PLXDC2: variants seen among roughly 807,000 people sequenced by gnomAD.
The protein encoded by PLXDC2 is plexin domain-containing protein 2.
Under a neutral mutation model 68.9 loss-of-function variants are expected in PLXDC2, and 40 were observed. The ratio of observed to expected loss-of-function variants is 0.58; its 90% CI spans 0.45 to 0.76. The LOEUF (loss-of-function observed/expected upper bound fraction) is 0.76, where lower values mean the gene tolerates loss of function less well. Among genes scored for constraint, PLXDC2 ranks in the 30% least tolerant of loss-of-function variants. PLXDC2 has a pLI of 0.00. For synonymous variants in PLXDC2, 243 were observed against 234.2 expected, an observed-to-expected ratio of 1.04 and a Z score of -0.34; for missense variants, 644 against 661.9, an observed-to-expected ratio of 0.97 and a Z score of 0.30.
At chr10:20,082,065 A>AAC (rs1836573333) in intron 4 of PLXDC2, among the ~76,000 whole-genome samples, 5 of 46,820 alleles carry the variant, frequency 1.1e-4, no homozygotes, top group African/African-American at 3.6e-4. Flanking sequence ...AAAAAAAATC[A>AAC]AAAAAAAAAA....
intron 2 of PLXDC2, among the ~76,000 whole-genome samples, chr10:20,032,322 T>C (rs551521951): frequency 6.6e-6 from 1 of 152,172 alleles, no homozygotes. Context: ...GTGGTTGGTG[T>C]GGCATGTGAG....
At chr10:19,968,300 T>C (rs1182801197) in intron 1 of PLXDC2, among the ~76,000 whole-genome samples, 1 of 152,148 alleles carries the variant, frequency 6.6e-6, no homozygotes, top group Non-Finnish European at 1.5e-5. Flanking sequence ...ATGACCTCAC[T>C]GATCTCCTTC....
At chr10:20,160,599 A>G (rs1236600681) in intron 6 of PLXDC2, among the ~76,000 whole-genome samples, 8 of 152,144 alleles carry the variant, frequency 5.3e-5, no homozygotes, top group Non-Finnish European at 1.2e-4. Flanking sequence ...ATTTTCAGTG[A>G]TAGAAAACTC....
At chr10:19,930,441 A>G (rs755327273) in intron 1 of PLXDC2, among the ~76,000 whole-genome samples, 1 of 152,192 alleles carries the variant, frequency 6.6e-6, no homozygotes, top group Non-Finnish European at 1.5e-5. Flanking sequence ...TGCTGACTTA[A>G]AGGATATGTT....
chr10:20,289,552 G>C lies in PLXDC2; in HGVS notation c.*9733G>C, dbSNP rs529163458. On this transcript the variant is annotated 3_prime_UTR_variant, in exon 14 of 14. Transcript: ENST00000377252. ...CAGGATATTTTGGATGTGTGCCTCA[G>C]GTAATTTATGTGGAATGTGTAAAGC... 2 of 152,286 alleles carry C rather than the reference G, an allele frequency of 1.3e-5. No homozygotes were observed. Among genetic ancestry groups the C allele is most frequent in the East Asian group, 3.9e-4 (2 of 5,178 alleles). The allele number at this position is 152,286 out of a possible 1,614,324, so 9.4% of individuals were successfully genotyped here.
chr10:20,156,134 G>C (rs1304079842), intron 6 of PLXDC2, among the ~76,000 whole-genome samples: 5 of 152,040 alleles, frequency 3.3e-5, no homozygotes, highest in African/African-American at 1.2e-4. Flanking sequence ...GCCATGTTTA[G>C]ATAAGTTTCC....
chr10:19,972,543 A>G (rs1834372740), intron 1 of PLXDC2, among the ~76,000 whole-genome samples: 1 of 152,150 alleles, frequency 6.6e-6, no homozygotes, highest in Admixed American at 6.5e-5. Flanking sequence ...AATCCAAGCA[A>G]CATGCAATTT....
chr10:20,089,278 A>C (rs906843213), intron 4 of PLXDC2, among the ~76,000 whole-genome samples: 1 of 151,936 alleles, frequency 6.6e-6, no homozygotes, highest in Non-Finnish European at 1.5e-5. Flanking sequence ...TCAATTTCCA[A>C]TGTATGAGTC....
intron 1 of PLXDC2, among the ~76,000 whole-genome samples, chr10:19,887,500 C>T (rs1027943767): frequency 6.6e-6 from 1 of 151,880 alleles, no homozygotes; most frequent in Admixed American, 6.6e-5. Flanking sequence ...CCAGCCTGGG[C>T]GACAGAGTGA....
chr10:19,870,879 C>T (rs749013562), intron 1 of PLXDC2, among the ~76,000 whole-genome samples: 14 of 152,204 alleles, frequency 9.2e-5, no homozygotes, highest in Non-Finnish European at 1.8e-4. Context: ...TATGTGCTTA[C>T]ATGCATGATC....
chr10:19,938,888 T>C (rs1416012302), intron 1 of PLXDC2, among the ~76,000 whole-genome samples: 2 of 152,100 alleles, frequency 1.3e-5, no homozygotes, highest in Non-Finnish European at 2.9e-5. Context: ...AATCTGTAAG[T>C]AGTCTGTTGC....
At chr10:19,990,730 A>G (rs1834733088) in intron 1 of PLXDC2, among the ~76,000 whole-genome samples, 1 of 152,148 alleles carries the variant, frequency 6.6e-6, no homozygotes, top group Non-Finnish European at 1.5e-5. Flanking sequence ...TAGTTAAATT[A>G]TGTAATCAGT....
intron 9 of PLXDC2, among the ~76,000 whole-genome samples, chr10:20,206,605 C>G (rs1318252677): frequency 1.3e-5 from 2 of 151,986 alleles, no homozygotes; most frequent in Non-Finnish European, 2.9e-5. Flanking sequence ...CAGGAGTGAG[C>G]AAGAGGCCTG....
rs71388870 is a variant in PLXDC2, at chr10:19,829,154, C to CTTTTT, written c.112+11984_112+11988dup. On this transcript the variant is annotated intron_variant, in intron 1 of 13. Coordinates refer to ENST00000377252, the MANE Select transcript of PLXDC2 (RefSeq NM_032812.9). Reference sequence around the variant, plus strand: ...ACCTCTTTTTGGTGCACGCTTTCCTCTTTTTTTTTTTTTTTTTTTTTTTTT... The same window carrying CTTTTT: ...ACCTCTTTTTGGTGCACGCTTTCCTCTTTTTTTTTTTTTTTTTTTTTTTTTTTTTT... 2.0e-3 allele frequency among the ~76,000 whole-genome samples: 185 copies of CTTTTT among 94,382 alleles called. 1 individual carries two copies. The highest frequency in any genetic ancestry group is 7.3e-3 in the African/African-American group (165 of 22,610). The allele number at this position is 94,382 out of a possible 152,430, so 61.9% of individuals were successfully genotyped here.
intron 1 of PLXDC2, among the ~76,000 whole-genome samples, chr10:19,928,820 T>C (rs1266575617): frequency 6.9e-6 from 1 of 144,280 alleles, no homozygotes; most frequent in Non-Finnish European, 1.5e-5. Context: ...AGTGGCCCAA[T>C]CTTGGCTCAC....
intron 4 of PLXDC2, among the ~76,000 whole-genome samples, chr10:20,138,530 C>T (rs1352502340): frequency 6.6e-6 from 1 of 152,178 alleles, no homozygotes. Context: ...GCAAATTGCC[C>T]AGCCTTATTA....
chr10:19,980,494 T>A (rs1287689825), intron 1 of PLXDC2, among the ~76,000 whole-genome samples: 2 of 152,174 alleles, frequency 1.3e-5, no homozygotes, highest in Non-Finnish European at 2.9e-5. Flanking sequence ...TGGCAGCAGA[T>A]CTGGATTCTG....
intron 1 of PLXDC2, among the ~76,000 whole-genome samples, chr10:19,919,160 T>G (rs2131379435): frequency 6.6e-6 from 1 of 152,262 alleles, no homozygotes; most frequent in East Asian, 1.9e-4. Flanking sequence ...GTAAATAGCG[T>G]CTGATTATTC....
intron 4 of PLXDC2, among the ~76,000 whole-genome samples, chr10:20,091,211 G>C (rs1229963362): frequency 2.0e-5 from 3 of 152,082 alleles, no homozygotes; most frequent in Non-Finnish European, 4.4e-5. Flanking sequence ...AGGCCACACT[G>C]AATTTAATAT....
Sources: allele counts gnomAD v4.1 joint callset (sites outside exome capture counted in the v4.1 genomes callset), GRCh38; gene constraint gnomAD v4.1.1; transcripts MANE v1.5; gene names NCBI Gene and HGNC (gene_info 2026-07-23, HGNC 2026-07-21).